The following RAB28 variants were observed in gnomAD, a reference collection of about 807,000 sequenced individuals.
RAB28 encodes RAB28, member RAS oncogene family, also known as ras-related protein Rab-28.
In RAB28, 24 loss-of-function variants were observed where a neutral mutation model predicts 31.7. The observed-to-expected ratio is 0.76, with a 90% CI of 0.55 to 1.06. The LOEUF (loss-of-function observed/expected upper bound fraction) is 1.06. Among genes scored for constraint, RAB28 ranks in the 50% least tolerant of loss-of-function variants. The pLI, the probability that RAB28 is intolerant of heterozygous loss-of-function variation, is 0.00. For synonymous variants in RAB28, 100 were observed against 90.4 expected (o/e 1.11, Z -0.60); for missense variants, 254 against 258.5 (o/e 0.98, Z 0.12).
chr4:13,430,976 C>T (rs1295199329), intron 4 of RAB28, among the ~76,000 whole-genome samples: 2 of 152,196 alleles, frequency 1.3e-5, no homozygotes, highest in Admixed American at 6.5e-5. Context: ...TCCCCCAGTA[C>T]ACTGTTGTGG....
At chr4:13,416,142 A>G (rs189033433) in intron 4 of RAB28, among the ~76,000 whole-genome samples, 11 of 152,220 alleles carry the variant, frequency 7.2e-5, no homozygotes, top group Admixed American at 6.5e-4. Flanking sequence ...CAGATAAGAA[A>G]ATAAAAGCAG....
intron 4 of RAB28, among the ~76,000 whole-genome samples, chr4:13,427,277 C>T (rs1204342784): frequency 6.6e-6 from 1 of 152,174 alleles, no homozygotes; most frequent in East Asian, 1.9e-4. Flanking sequence ...CTGCTTCCAG[C>T]TTTGACACAA....
intron 4 of RAB28, among the ~76,000 whole-genome samples, chr4:13,417,585 C>A (rs1712864318): frequency 6.6e-6 from 1 of 152,218 alleles, no homozygotes; most frequent in South Asian, 2.1e-4. Flanking sequence ...GCAGCCTCCG[C>A]TGGTGATATC....
intron 4 of RAB28, among the ~76,000 whole-genome samples, chr4:13,413,080 G>GA (rs1712536786): frequency 6.6e-6 from 1 of 151,822 alleles, no homozygotes; most frequent in Non-Finnish European, 1.5e-5. Flanking sequence ...TGGTGTCCCC[G>GA]AAAAAATAAC....
At chr4:13,448,390 G>A (rs1169553936) in intron 4 of RAB28, among the ~76,000 whole-genome samples, 1 of 151,876 alleles carries the variant, frequency 6.6e-6, no homozygotes, top group East Asian at 1.9e-4. Flanking sequence ...ACAAAAAGAT[G>A]GAGAGATATC....
At chr4:13,381,262 C>G (rs566087202) in intron 5 of RAB28, among the ~76,000 whole-genome samples, 1 of 151,984 alleles carries the variant, frequency 6.6e-6, no homozygotes, top group Non-Finnish European at 1.5e-5. Flanking sequence ...ACTGACATTA[C>G]GGGTGGTTTA....
intron 4 of RAB28, among the ~76,000 whole-genome samples, chr4:13,439,162 C>T (rs911866609): frequency 7.2e-5 from 11 of 152,080 alleles, no homozygotes; most frequent in South Asian, 2.1e-4. Flanking sequence ...ATTTTCTATA[C>T]GATATTATAC....
At chr4:13,469,812 T>C (rs1716034808) in intron 3 of RAB28, among the ~76,000 whole-genome samples, 1 of 151,938 alleles carries the variant, frequency 6.6e-6, no homozygotes, top group Non-Finnish European at 1.5e-5. Context: ...TCTCAGCCTC[T>C]CTAGTAGCTA....
intron 4 of RAB28, among the ~76,000 whole-genome samples, chr4:13,440,746 AT>A (rs1412033983): frequency 6.6e-6 from 1 of 152,130 alleles, no homozygotes; most frequent in African/African-American, 2.4e-5. Flanking sequence ...ATGTGAGTCC[AT>A]TTGGAGACAG....
At chr4:13,470,636 T>C (rs1716076617) in intron 3 of RAB28, among the ~76,000 whole-genome samples, 1 of 152,064 alleles carries the variant, frequency 6.6e-6, no homozygotes, top group African/African-American at 2.4e-5. Flanking sequence ...TGAGGTTTGT[T>C]ATTAGCCTCT....
At chr4:13,479,386 GA>G in intron 2 of RAB28, 43 bp downstream of exon 2, 1 of 1,422,914 alleles carries the variant, frequency 7.0e-7, no homozygotes. Flanking sequence ...TTATTGTTAA[GA>G]TTTTTTTATA....
chr4:13,399,755 C>T (rs890986163), intron 4 of RAB28, among the ~76,000 whole-genome samples: 3 of 152,030 alleles, frequency 2.0e-5, no homozygotes, highest in Non-Finnish European at 2.9e-5. Flanking sequence ...TTTTAACGAA[C>T]GGCCTTTTTC....
At chr4:13,482,393 A>G (rs1716645187) in intron 1 of RAB28, among the ~76,000 whole-genome samples, 1 of 131,980 alleles carries the variant, frequency 7.6e-6, no homozygotes, top group Admixed American at 7.0e-5. Context: ...GATAGCATAT[A>G]GGATAACCAG....
At chr4:13,462,907 T>G (rs185834310) in intron 3 of RAB28, among the ~76,000 whole-genome samples, 1 of 152,208 alleles carries the variant, frequency 6.6e-6, no homozygotes, top group Non-Finnish European at 1.5e-5. Context: ...CACCTCCAAC[T>G]GCCATGGGTG....
At chr4:13,429,683 T>C (rs1001599543) in intron 4 of RAB28, among the ~76,000 whole-genome samples, 3 of 152,250 alleles carry the variant, frequency 2.0e-5, no homozygotes, top group African/African-American at 7.2e-5. Context: ...GAAGAAAATA[T>C]TGTAAAGATG....
At chr4:13,406,687 C>G (rs989467711) in intron 4 of RAB28, among the ~76,000 whole-genome samples, 7 of 152,238 alleles carry the variant, frequency 4.6e-5, no homozygotes, top group Admixed American at 2.0e-4. Context: ...TTTTAAAGAT[C>G]GCCATTCTAA....
At chr4:13,406,102 T>A (rs1712066368) in intron 4 of RAB28, among the ~76,000 whole-genome samples, 1 of 151,852 alleles carries the variant, frequency 6.6e-6, no homozygotes, top group Admixed American at 6.6e-5. Flanking sequence ...GCTGCACCCA[T>A]CAACTCGTCA....
At chr4:13,442,356 T>A (rs954656439) in intron 4 of RAB28, among the ~76,000 whole-genome samples, 1 of 152,036 alleles carries the variant, frequency 6.6e-6, no homozygotes, top group Non-Finnish European at 1.5e-5. Context: ...TTTTTTTTTA[T>A]TACACACGTG....
At chr4:13,386,131 G>T (rs1470494823) in intron 4 of RAB28, among the ~76,000 whole-genome samples, 1 of 151,736 alleles carries the variant, frequency 6.6e-6, no homozygotes, top group Non-Finnish European at 1.5e-5. Context: ...TTAATATCAA[G>T]AATACACAAG....
Sources: gnomAD v4.1 joint callset for allele counts (sites outside exome capture counted in the v4.1 genomes callset) on GRCh38, gnomAD v4.1.1 for gene constraint, MANE v1.5 for transcripts, NCBI Gene and HGNC (gene_info 2026-07-23, HGNC 2026-07-21) for gene names.